Variants in FMNL2 observed in about 807,000 individuals in gnomAD.
The protein encoded by FMNL2 is formin like 2.
A neutral mutation model predicts 130.2 loss-of-function variants in FMNL2; 51 were observed. The observed-to-expected ratio is 0.39, with a 90% CI of 0.31 to 0.49. The LOEUF (loss-of-function observed/expected upper bound fraction) is 0.49, where lower values mean the gene tolerates loss of function less well. Among genes scored for constraint, FMNL2 ranks in the 20% least tolerant of loss-of-function variants. The pLI, the probability that FMNL2 is intolerant of heterozygous loss-of-function variation, is 0.85. For synonymous variants in FMNL2, 465 were observed against 467.1 expected (o/e 1.00, Z 0.06); for missense variants, 977 against 1,316.2 (o/e 0.74, Z 3.99).
chr2:152,409,384 C>A (rs1296808035), intron 1 of FMNL2, among the ~76,000 whole-genome samples: 1 of 152,108 alleles, frequency 6.6e-6, no homozygotes, highest in Non-Finnish European at 1.5e-5. Context: ...GTAATAAAAT[C>A]ATGGTCTCTG....
Position 152,589,940 on chromosome 2 carries a change from CATATATATATATATATATATAT to C in FMNL2, c.876+8914_876+8935del, listed in dbSNP as rs771625998. Among the ~76,000 whole-genome samples, 84 of 67,032 alleles carry C rather than the reference CATATATATATATATATATATAT, an allele frequency of 1.3e-3. 2 individuals are homozygous for C. The highest frequency in any genetic ancestry group is 5.8e-3 in the East Asian group (8 of 1,380). The allele number at this position is 67,032 out of a possible 152,430, so 44.0% of individuals were successfully genotyped here. A position where few individuals can be genotyped will look rare whatever the true frequency, so the allele number is the denominator to read the frequency against. ...ATGTACCACCACACCTGGCTTTATACATATATATATATATATATATATATATATATATATATATATATATGTA... is the reference window on the plus strand; with the variant it reads ...ATGTACCACCACACCTGGCTTTATACATATATATATATATATATATATGTA... On this transcript the variant is annotated intron_variant, in intron 9 of 25. Coordinates refer to ENST00000288670, the MANE Select transcript of FMNL2 (RefSeq NM_052905.4).
chr2:152,520,588 C>T (rs1693032557), intron 1 of FMNL2, among the ~76,000 whole-genome samples: 2 of 130,938 alleles, frequency 1.5e-5, no homozygotes, highest in Non-Finnish European at 3.5e-5. Context: ...GGAGTGAAAC[C>T]CCATCTCAAA....
intron 11 of FMNL2, among the ~76,000 whole-genome samples, chr2:152,611,930 G>C (rs1036934610): frequency 6.6e-6 from 1 of 152,072 alleles, no homozygotes; most frequent in African/African-American, 2.4e-5. Context: ...CTGGGCTATT[G>C]GGCAATTTGT....
chr2:152,476,212 T>G (rs1481663307), intron 1 of FMNL2, among the ~76,000 whole-genome samples: 1 of 152,374 alleles, frequency 6.6e-6, no homozygotes, highest in East Asian at 1.9e-4. Flanking sequence ...GCACCAAGAT[T>G]GCACTATTCT....
chr2:152,611,348 C>A (rs10931191), intron 10 of FMNL2, 147 bp from the exon 11 acceptor site: 367,352 of 495,558 alleles, frequency 0.74, 138,077 homozygotes, highest in East Asian at 0.99. Flanking sequence ...CCAAAAAAAA[C>A]CATATATATA....
intron 1 of FMNL2, among the ~76,000 whole-genome samples, chr2:152,508,543 T>C (rs1692307512): frequency 6.6e-6 from 1 of 152,176 alleles, no homozygotes; most frequent in African/African-American, 2.4e-5. Flanking sequence ...GATAGATTGG[T>C]TCATGTGAGT....
rs1370737878 is a variant in FMNL2 at position 152,649,361 on chromosome 2, GTTATT to G, written c.*1460_*1464del. ...TCAGCCTATGCTATACAATCTGAATGTTATTTTAACTTATAGTTTTTTTTAATATA... is the reference window on the plus strand; with the variant it reads ...TCAGCCTATGCTATACAATCTGAATGTTAACTTATAGTTTTTTTTAATATA... On this transcript the variant is annotated 3_prime_UTR_variant, in exon 26 of 26. Transcript: ENST00000288670. 2 of 152,242 alleles carry G rather than the reference GTTATT, an allele frequency of 1.3e-5. No individual in the cohort carries two copies. Among genetic ancestry groups the G allele is most frequent in the African/African-American group, 4.8e-5 (2 of 41,322 alleles). The allele number at this position is 152,242 out of a possible 1,614,324, so 9.4% of individuals were successfully genotyped here.
chr2:152,393,860 TGA>T (rs1475562983), intron 1 of FMNL2, among the ~76,000 whole-genome samples: 1 of 152,230 alleles, frequency 6.6e-6, no homozygotes, highest in East Asian at 1.9e-4. Flanking sequence ...AGGCAACTAA[TGA>T]GGATGGCTGT....
At chr2:152,619,275 T>G in intron 14 of FMNL2, 117 bp downstream of exon 14, 3 of 1,337,362 alleles carry the variant, frequency 2.2e-6, no homozygotes, top group Non-Finnish European at 3.0e-6. Flanking sequence ...TAAGAATTGG[T>G]TTTCTTGAGT....
intron 2 of FMNL2, among the ~76,000 whole-genome samples, chr2:152,522,881 T>C (rs1693172065): frequency 6.6e-6 from 1 of 152,230 alleles, no homozygotes; most frequent in Non-Finnish European, 1.5e-5. Flanking sequence ...TATATGATGC[T>C]GTCAGAAAAA....
Position 152,381,277 on chromosome 2 carries a change from CTT to C in FMNL2, c.117+45560_117+45561del, listed in dbSNP as rs1355501937. ...AGGTCGAAATTATGAGAGCAAAAGA[CTT>C]TTGAAAATTTCTGCCATGGCATATT... On this transcript the variant is annotated intron_variant, in intron 1 of 25. Coordinates refer to ENST00000288670, the MANE Select transcript of FMNL2 (RefSeq NM_052905.4). 8.5e-5 allele frequency among the ~76,000 whole-genome samples: 13 copies of C among 152,272 alleles called. No homozygotes were observed. The East Asian group carries it at 2.5e-3, about 29-fold the overall frequency.
At chr2:152,423,567 T>C (rs914655862) in intron 1 of FMNL2, among the ~76,000 whole-genome samples, 1 of 152,178 alleles carries the variant, frequency 6.6e-6, no homozygotes, top group African/African-American at 2.4e-5. Context: ...GGGTCTCAGA[T>C]GCCTTAGTAC....
chr2:152,404,373 A>C (rs889661310), intron 1 of FMNL2, among the ~76,000 whole-genome samples: 1 of 152,178 alleles, frequency 6.6e-6, no homozygotes. Context: ...GTTCACAGGC[A>C]CTTAACAGAG....
At chr2:152,473,303 A>T (rs1376544962) in intron 1 of FMNL2, among the ~76,000 whole-genome samples, 3 of 152,068 alleles carry the variant, frequency 2.0e-5, no homozygotes, top group African/African-American at 7.2e-5. Flanking sequence ...TCCTGGGCTC[A>T]AGCCATTCTC....
At chr2:152,494,323 A>G (rs1386971539) in intron 1 of FMNL2, among the ~76,000 whole-genome samples, 1 of 152,246 alleles carries the variant, frequency 6.6e-6, no homozygotes, top group East Asian at 1.9e-4. Context: ...AAAATAACAC[A>G]TATCTTTTCA....
At chr2:152,636,371 G>A in intron 21 of FMNL2, 56 bp from the exon 22 acceptor site, 3 of 1,545,864 alleles carry the variant, frequency 1.9e-6, no homozygotes, top group Admixed American at 1.9e-5. Flanking sequence ...AGCCAGATTC[G>A]CTGTGGTTGT....
At chr2:152,342,498 C>T (rs1369397935) in intron 1 of FMNL2, among the ~76,000 whole-genome samples, 1 of 152,126 alleles carries the variant, frequency 6.6e-6, no homozygotes, top group African/African-American at 2.4e-5. Context: ...GAAGTGTGTC[C>T]CTAGGCTTTG....
At chr2:152,338,175 G>A (rs1467871891) in intron 1 of FMNL2, among the ~76,000 whole-genome samples, 1 of 152,126 alleles carries the variant, frequency 6.6e-6, no homozygotes, top group Non-Finnish European at 1.5e-5. Flanking sequence ...TATGTGGAGG[G>A]CAATGGAAAT....
intron 6 of FMNL2, among the ~76,000 whole-genome samples, chr2:152,571,762 A>G (rs1162637314): frequency 6.6e-6 from 1 of 152,234 alleles, no homozygotes; most frequent in African/African-American, 2.4e-5. Flanking sequence ...CTCTCTTTCA[A>G]AGATAGTATA....
Sources: gnomAD v4.1 joint callset for allele counts (sites outside exome capture counted in the v4.1 genomes callset) on GRCh38, gnomAD v4.1.1 for gene constraint, MANE v1.5 for transcripts, NCBI Gene and HGNC (gene_info 2026-07-23, HGNC 2026-07-21) for gene names.